OSBPL6: variants seen among roughly 807,000 people sequenced by gnomAD.
OSBPL6 encodes the protein oxysterol binding protein like 6.
A neutral mutation model predicts 125.8 loss-of-function variants in OSBPL6; 49 were observed. The ratio of observed to expected loss-of-function variants is 0.39; its 90% CI spans 0.31 to 0.49. The LOEUF is 0.49. Ranked by LOEUF, OSBPL6 falls within the 20% of genes least tolerant of loss-of-function variation. The probability of loss-of-function intolerance (pLI) is 0.88; values close to 1 mark genes in which losing one functional copy is unlikely to be tolerated. For missense variants in OSBPL6, 986 were observed against 1,135.4 expected (o/e 0.87, Z 1.89); for synonymous variants, 394 against 391.8 (o/e 1.01, Z -0.07).
intron 1 of OSBPL6, among the ~76,000 whole-genome samples, chr2:178,206,758 G>T (rs1363262752): frequency 6.6e-6 from 1 of 152,098 alleles, no homozygotes; most frequent in African/African-American, 2.4e-5. Context: ...GGGACTACAG[G>T]CACCTGCCAT....
chr2:178,342,664 G>A (rs1005649750), intron 11 of OSBPL6, among the ~76,000 whole-genome samples: 1 of 152,104 alleles, frequency 6.6e-6, no homozygotes, highest in Non-Finnish European at 1.5e-5. Flanking sequence ...TTCCTGGTTC[G>A]AATAAAAATC....
intron 8 of OSBPL6, among the ~76,000 whole-genome samples, chr2:178,334,880 T>G (rs1018867028): frequency 6.6e-6 from 1 of 152,158 alleles, no homozygotes; most frequent in Non-Finnish European, 1.5e-5. Flanking sequence ...TTAATTATCT[T>G]TTTTCTAGGA....
intron 2 of OSBPL6, among the ~76,000 whole-genome samples, chr2:178,288,999 T>C (rs889013912): frequency 6.7e-6 from 1 of 150,308 alleles, no homozygotes; most frequent in African/African-American, 2.4e-5. Flanking sequence ...GATTTTTGTT[T>C]TCTTTTTCTT....
At chr2:178,263,131 A>G (rs1234810474) in intron 1 of OSBPL6, among the ~76,000 whole-genome samples, 1 of 152,248 alleles carries the variant, frequency 6.6e-6, no homozygotes, top group Non-Finnish European at 1.5e-5. Context: ...GTTCCATGAT[A>G]GTTTTCTCCA....
At chr2:178,242,405 C>T (rs2091327396) in intron 1 of OSBPL6, among the ~76,000 whole-genome samples, 1 of 152,192 alleles carries the variant, frequency 6.6e-6, no homozygotes, top group African/African-American at 2.4e-5. Context: ...TCTCTCTTGG[C>T]TTTGCTGTTT....
Position 178,237,581 on chromosome 2 carries a change from C to T in OSBPL6, c.-351+42907C>T, listed in dbSNP as rs542156102. Among the ~76,000 whole-genome samples the T allele has an allele frequency of 1.4e-3, 218 of 152,254 alleles. 2 individuals carry two copies. The highest frequency in any genetic ancestry group is 5.1e-3 in the African/African-American group (211 of 41,532). ...TTGTAATTTAAATTTAGTAGCTCCT[C>T]ACCATCCAAAAATACTCAGATCTCT... On this transcript the variant is annotated intron_variant, in intron 1 of 24. Transcript: ENST00000190611.
intron 14 of OSBPL6, among the ~76,000 whole-genome samples, chr2:178,373,612 C>T (rs528729622): frequency 6.6e-6 from 1 of 152,296 alleles, no homozygotes; most frequent in East Asian, 1.9e-4. Context: ...TACAGTCAAT[C>T]AGGGTATTCA....
chr2:178,283,097 T>C (rs1684369835), intron 1 of OSBPL6, among the ~76,000 whole-genome samples: 1 of 152,228 alleles, frequency 6.6e-6, no homozygotes, highest in African/African-American at 2.4e-5. Context: ...ATCTTAGCCT[T>C]AGTATTCAAG....
intron 1 of OSBPL6, among the ~76,000 whole-genome samples, chr2:178,250,606 C>G (rs531423398): frequency 6.6e-6 from 1 of 152,322 alleles, no homozygotes; most frequent in Admixed American, 6.5e-5. Context: ...CCCCACTTCC[C>G]TTCCTCAGGG....
intron 1 of OSBPL6, among the ~76,000 whole-genome samples, chr2:178,245,083 G>A (rs921810218): frequency 1.3e-5 from 2 of 152,110 alleles, no homozygotes; most frequent in African/African-American, 4.8e-5. Context: ...CTTCTTACTC[G>A]ATGATTTGAC....
At chr2:178,393,660 C>T (rs1424701631) in intron 23 of OSBPL6, among the ~76,000 whole-genome samples, 2 of 152,188 alleles carry the variant, frequency 1.3e-5, no homozygotes, top group East Asian at 3.8e-4. Context: ...CTGTTCTTTG[C>T]TCTCATTTTG....
intron 2 of OSBPL6, among the ~76,000 whole-genome samples, chr2:178,297,535 C>A (rs929146620): frequency 3.9e-5 from 6 of 152,196 alleles, no homozygotes; most frequent in African/African-American, 1.4e-4. Context: ...AGATTTAAGT[C>A]CTAATTAAAG....
At chr2:178,308,256 A>G (rs903893235) in intron 3 of OSBPL6, among the ~76,000 whole-genome samples, 1 of 152,230 alleles carries the variant, frequency 6.6e-6, no homozygotes, top group African/African-American at 2.4e-5. Context: ...CCTTATCTCA[A>G]TCACTGCCTA....
intron 1 of OSBPL6, among the ~76,000 whole-genome samples, chr2:178,270,822 A>G (rs1260489502): frequency 1.3e-5 from 2 of 152,182 alleles, no homozygotes; most frequent in Admixed American, 6.5e-5. Flanking sequence ...TATGTTAGAA[A>G]GTTTACAGTA....
chr2:178,336,880 C>G (rs979705414), intron 9 of OSBPL6, among the ~76,000 whole-genome samples: 4 of 152,126 alleles, frequency 2.6e-5, no homozygotes, highest in African/African-American at 9.7e-5. Context: ...TCTGTCTTGC[C>G]CATGGAGCAG....
At chr2:178,274,044 A>T (rs753814887) in intron 1 of OSBPL6, among the ~76,000 whole-genome samples, 4 of 152,172 alleles carry the variant, frequency 2.6e-5, no homozygotes, top group Non-Finnish European at 4.4e-5. Context: ...AAGCAATGAG[A>T]TGCCCATTGA....
intron 12 of OSBPL6, among the ~76,000 whole-genome samples, chr2:178,360,752 G>T (rs900818394): frequency 4.6e-5 from 7 of 152,172 alleles, no homozygotes; most frequent in Non-Finnish European, 1.0e-4. Context: ...ATGTAATCCA[G>T]CTATCAAGTT....
intron 17 of OSBPL6, 77 bp downstream of exon 17, chr2:178,383,354 G>A: frequency 6.6e-7 from 1 of 1,508,506 alleles, no homozygotes; most frequent in Non-Finnish European, 8.8e-7. Context: ...AATTCATTAT[G>A]ATATATTTGG....
chr2:178,253,639 TA>T (rs1039169023), intron 1 of OSBPL6, among the ~76,000 whole-genome samples: 56 of 152,366 alleles, frequency 3.7e-4, no homozygotes, highest in African/African-American at 1.3e-3. Flanking sequence ...AATATATTCT[TA>T]ATGAATAAAC....
Sources: gnomAD v4.1 joint callset for allele counts (sites outside exome capture counted in the v4.1 genomes callset) on GRCh38, gnomAD v4.1.1 for gene constraint, MANE v1.5 for transcripts, NCBI Gene and HGNC (gene_info 2026-07-23, HGNC 2026-07-21) for gene names.